The following SMIM10L3 variants were observed in gnomAD, a reference collection of about 807,000 sequenced individuals.
SMIM10L3 encodes the protein small integral membrane protein 10 like 3.
chr7:6,347,925 A>G, the SMIM10L3 span, among the ~76,000 whole-genome samples: 1 of 144,594 alleles, frequency 6.9e-6, no homozygotes, highest in African/African-American at 2.6e-5. Flanking sequence ...TATTATTATT[A>G]TTGAGATGGA....
At chr7:6,329,988 A>G in the SMIM10L3 span, 1 of 218,736 alleles carries the variant, frequency 4.6e-6, no homozygotes, top group Non-Finnish European at 9.9e-6. Context: ...TGTAGACTTT[A>G]CAAGTATCCA....
chr7:6,342,248 T>C, the SMIM10L3 span, among the ~76,000 whole-genome samples: 14 of 151,708 alleles, frequency 9.2e-5, no homozygotes, highest in African/African-American at 2.9e-4. Flanking sequence ...TTCTGTCTTA[T>C]AGAAACAGTG....
At chr7:6,348,540 G>A in the SMIM10L3 span, 7 of 421,238 alleles carry the variant, frequency 1.7e-5, no homozygotes, top group Non-Finnish European at 2.9e-5. Flanking sequence ...CGCTCGGGGA[G>A]GGCCGGGGGC....
At chr7:6,348,929 C>T in the SMIM10L3 span, 2 of 383,240 alleles carry the variant, frequency 5.2e-6, no homozygotes, top group Admixed American at 9.0e-5. Context: ...AGAAGTGCCT[C>T]CGCGAGCAGC....
the SMIM10L3 span, chr7:6,330,900 A>G: frequency 6.2e-7 from 1 of 1,614,150 alleles, no homozygotes; most frequent in Non-Finnish European, 8.5e-7. Flanking sequence ...ATTCTCTCAC[A>G]TATGGAAGCA....
the SMIM10L3 span, among the ~76,000 whole-genome samples, chr7:6,336,183 A>AAG: frequency 6.6e-6 from 1 of 150,616 alleles, no homozygotes; most frequent in Non-Finnish European, 1.5e-5. Context: ...AAAAAAAAAA[A>AAG]AAAAATTAAA....
At chr7:6,333,902 A>G in the SMIM10L3 span, among the ~76,000 whole-genome samples, 16 of 131,572 alleles carry the variant, frequency 1.2e-4, no homozygotes, top group Admixed American at 1.4e-3. Context: ...GCTGGAGTGC[A>G]GTGGCGCCAT....
chr7:6,332,027 G>A, the SMIM10L3 span, among the ~76,000 whole-genome samples: 4 of 150,738 alleles, frequency 2.7e-5, no homozygotes, highest in East Asian at 3.9e-4. Flanking sequence ...TGGGAGAATC[G>A]CTTGAACCCA....
chr7:6,344,422 A>C, the SMIM10L3 span, among the ~76,000 whole-genome samples: 6 of 151,968 alleles, frequency 3.9e-5, no homozygotes, highest in Non-Finnish European at 5.9e-5. Context: ...TACAATCTTC[A>C]CACTTGTGTC....
the SMIM10L3 span, chr7:6,348,726 C>A: frequency 2.4e-6 from 1 of 417,802 alleles, no homozygotes. Flanking sequence ...AGCGCGAGAG[C>A]CGGACAGCCA....
At chr7:6,333,336 T>A in the SMIM10L3 span, among the ~76,000 whole-genome samples, 1 of 151,850 alleles carries the variant, frequency 6.6e-6, no homozygotes, top group Admixed American at 6.6e-5. Context: ...AAGGACAGGA[T>A]GGCTGGATTT....
the SMIM10L3 span, among the ~76,000 whole-genome samples, chr7:6,331,396 C>G: frequency 2.6e-5 from 4 of 152,228 alleles, no homozygotes; most frequent in Non-Finnish European, 5.9e-5. Flanking sequence ...CTCCTGACCT[C>G]AGGTGATCCA....
chr7:6,334,128 G>A, the SMIM10L3 span, among the ~76,000 whole-genome samples: 2 of 151,630 alleles, frequency 1.3e-5, no homozygotes, highest in Non-Finnish European at 2.9e-5. Context: ...TTACAAGCGT[G>A]AGCCACCGCA....
At chr7:6,333,652 C>T in the SMIM10L3 span, among the ~76,000 whole-genome samples, 14 of 149,112 alleles carry the variant, frequency 9.4e-5, no homozygotes, top group South Asian at 3.1e-3. Context: ...GCAGGCACCA[C>T]CACACCTGGC....
At chr7:6,347,883 T>TTTATTATTATTATTATTATTA in the SMIM10L3 span, among the ~76,000 whole-genome samples, 160 of 131,530 alleles carry the variant, frequency 1.2e-3, no homozygotes, top group African/African-American at 2.8e-3. Flanking sequence ...ACGAGACCCC[T>TTTATTATTATTATTATTATTA]TTATTATTAT....
At chr7:6,335,648 C>T in the SMIM10L3 span, among the ~76,000 whole-genome samples, 1 of 152,128 alleles carries the variant, frequency 6.6e-6, no homozygotes, top group Non-Finnish European at 1.5e-5. Flanking sequence ...GCAAAATATA[C>T]ACTTTATGAA....
chr7:6,346,810 C>T, the SMIM10L3 span, among the ~76,000 whole-genome samples: 2 of 152,150 alleles, frequency 1.3e-5, no homozygotes, highest in Non-Finnish European at 2.9e-5. Context: ...GCCAAACCGA[C>T]GTTAGAAAGG....
the SMIM10L3 span, chr7:6,348,855 A>G: frequency 5.1e-6 from 2 of 389,804 alleles, no homozygotes; most frequent in Non-Finnish European, 9.1e-6. Context: ...GGAGCGAAGG[A>G]GGCGGCGGCT....
chr7:6,330,737 C>A, the SMIM10L3 span: 1 of 1,614,148 alleles, frequency 6.2e-7, no homozygotes, highest in Non-Finnish European at 8.5e-7. Context: ...CCTCTGTGGC[C>A]GTCAGTGGCC....
Sources: gnomAD v4.1 joint callset for allele counts (sites outside exome capture counted in the v4.1 genomes callset) on GRCh38, gnomAD v4.1.1 for gene constraint, MANE v1.5 for transcripts, NCBI Gene and HGNC (gene_info 2026-07-23, HGNC 2026-07-21) for gene names.